Variants in RANBP9 observed in about 807,000 individuals in gnomAD.
The protein encoded by RANBP9 is RAN binding protein 9.
Under a neutral mutation model 84.3 loss-of-function variants are expected in RANBP9, and 15 were observed. The observed-to-expected ratio is 0.18, with a 90% CI of 0.12 to 0.27. The LOEUF (loss-of-function observed/expected upper bound fraction) is 0.27. RANBP9 is among the 10% of genes least tolerant of loss of function. RANBP9 has a pLI of 1.00. For missense variants in RANBP9, 809 were observed against 912.8 expected, an observed-to-expected ratio of 0.89 and a Z score of 1.46; for synonymous variants, 392 against 349.6, an observed-to-expected ratio of 1.12 and a Z score of -1.35.
chr6:13,697,270 A>G (rs1757857706), intron 1 of RANBP9, among the ~76,000 whole-genome samples: 2 of 152,250 alleles, frequency 1.3e-5, no homozygotes, highest in Admixed American at 6.5e-5. Flanking sequence ...AAATTTGCAT[A>G]TAACTTATAT....
chr6:13,650,171 T>G (rs1765264942), intron 5 of RANBP9, among the ~76,000 whole-genome samples: 2 of 151,348 alleles, frequency 1.3e-5, no homozygotes, highest in African/African-American at 2.4e-5. Flanking sequence ...TTTTTGTTTT[T>G]TTTTTTTTTA....
intron 2 of RANBP9, among the ~76,000 whole-genome samples, chr6:13,684,791 G>A (rs1766130741): frequency 6.6e-6 from 1 of 152,204 alleles, no homozygotes; most frequent in Non-Finnish European, 1.5e-5. Context: ...TGAAGGGGAA[G>A]TACAAGATGC....
intron 2 of RANBP9, among the ~76,000 whole-genome samples, chr6:13,686,464 G>A (rs1029515033): frequency 1.3e-5 from 2 of 151,502 alleles, no homozygotes; most frequent in Non-Finnish European, 2.9e-5. Context: ...TTTGTATTTT[G>A]GGTAGAGACA....
rs148544956 is a variant in RANBP9 at position 13,673,918 on chromosome 6, A to G, written c.684-15086T>C. On this transcript the variant is annotated intron_variant, in intron 2 of 13. Coordinates refer to ENST00000011619, the MANE Select transcript of RANBP9 (RefSeq NM_005493.3). ...GCCTACATGGCAAAATCCCATCTCTATAAAGAATACAAAAAATTAGCCAGG... is the reference window on the plus strand; with the variant it reads ...GCCTACATGGCAAAATCCCATCTCTGTAAAGAATACAAAAAATTAGCCAGG... Among the ~76,000 whole-genome samples the G allele has an allele frequency of 2.2e-4, 33 of 152,062 alleles. 1 individual carries two copies. In the East Asian group the frequency reaches 4.8e-3, roughly 22 times the overall value.
chr6:13,652,875 C>G (rs914400585), intron 4 of RANBP9, among the ~76,000 whole-genome samples, 194 bp from the exon 5 acceptor site: 11 of 152,236 alleles, frequency 7.2e-5, no homozygotes, highest in Non-Finnish European at 1.2e-4. Flanking sequence ...TGTCCCCTTT[C>G]AAGATAATCA....
Position 13,693,334 on chromosome 6 carries a change from T to G in RANBP9, c.683+3451A>C, listed in dbSNP as rs138540696. On this transcript the variant is annotated intron_variant, in intron 2 of 13. Coordinates refer to ENST00000011619, the MANE Select transcript of RANBP9 (RefSeq NM_005493.3). ...AACATAATTAGTCATTAGGGAAATA[T>G]AAATTAAAACCACAGCAAGAAATCA... 3.3e-3 allele frequency among the ~76,000 whole-genome samples: 506 copies of G among 152,240 alleles called. 2 individuals carry two copies. Among genetic ancestry groups the G allele is most frequent in the African/African-American group, 0.012 (492 of 41,524 alleles).
chr6:13,650,035 T>C (rs1004954408), intron 5 of RANBP9, among the ~76,000 whole-genome samples: 3 of 152,236 alleles, frequency 2.0e-5, no homozygotes, highest in African/African-American at 7.2e-5. Flanking sequence ...TTTAACTCTT[T>C]AATCCATCTA....
At chr6:13,676,903 T>C (rs1765897757) in intron 2 of RANBP9, among the ~76,000 whole-genome samples, 1 of 152,144 alleles carries the variant, frequency 6.6e-6, no homozygotes. Context: ...CTACAATTAG[T>C]ATCATACTTA....
At chr6:13,637,665 C>T (rs1299499840) in intron 10 of RANBP9, 143 bp downstream of exon 10, 5 of 766,418 alleles carry the variant, frequency 6.5e-6, no homozygotes, top group Non-Finnish European at 9.7e-6. Context: ...AACTGACTCC[C>T]TACGCTTTTA....
chr6:13,668,598 A>C (rs930596256), intron 2 of RANBP9, among the ~76,000 whole-genome samples: 1 of 152,152 alleles, frequency 6.6e-6, no homozygotes, highest in African/African-American at 2.4e-5. Context: ...TATATTAAGA[A>C]AATAAAGAAC....
At chr6:13,633,293 CA>C (rs2127762106) in intron 11 of RANBP9, among the ~76,000 whole-genome samples, 1 of 152,306 alleles carries the variant, frequency 6.6e-6, no homozygotes, top group Non-Finnish European at 1.5e-5. Context: ...CTCGGCCTCC[CA>C]AAGTGCTGGG....
intron 2 of RANBP9, among the ~76,000 whole-genome samples, chr6:13,695,507 A>T (rs1475998610): frequency 6.9e-6 from 1 of 143,908 alleles, no homozygotes; most frequent in Non-Finnish European, 1.5e-5. Context: ...CATTGTCTGG[A>T]GCTCGAGGGA....
intron 5 of RANBP9, 110 bp from the exon 6 acceptor site, chr6:13,644,839 A>T (rs1193318464): frequency 2.2e-6 from 2 of 918,260 alleles, no homozygotes; most frequent in African/African-American, 3.4e-5. Context: ...TCATATTTTA[A>T]AATCCCAATC....
chr6:13,701,323 A>T (rs1324017378), intron 1 of RANBP9, among the ~76,000 whole-genome samples: 1 of 152,206 alleles, frequency 6.6e-6, no homozygotes, highest in Non-Finnish European at 1.5e-5. Flanking sequence ...AATGATGTCA[A>T]CTGAGCACTC....
Position 13,657,091 on chromosome 6 carries a change from AAT to A in RANBP9, c.904+16_904+17del. ...CTCCATATTTGGTTATTTTGCATGC[AAT>A]ATATTATCTCAGTACCTAAACTATG... On this transcript the variant is annotated intron_variant, in intron 4 of 13. Coordinates refer to ENST00000011619, the MANE Select transcript of RANBP9 (RefSeq NM_005493.3). The A allele has an allele frequency of 6.4e-7, 1 of 1,572,314 alleles. No individual in the cohort carries two copies. Among genetic ancestry groups the A allele is most frequent in the African/African-American group, 1.4e-5 (1 of 73,788 alleles).
chr6:13,623,192 GA>G (rs916957974), intron 13 of RANBP9, among the ~76,000 whole-genome samples: 1 of 152,108 alleles, frequency 6.6e-6, no homozygotes, highest in Non-Finnish European at 1.5e-5. Context: ...GCCAGAGATG[GA>G]AAAAAATGAA....
chr6:13,640,127 C>T (rs939705472), intron 8 of RANBP9, among the ~76,000 whole-genome samples: 1 of 152,088 alleles, frequency 6.6e-6, no homozygotes, highest in Non-Finnish European at 1.5e-5. Flanking sequence ...ATATGAGATA[C>T]ATATAAAGCG....
chr6:13,705,329 A>C (rs982524656), intron 1 of RANBP9, among the ~76,000 whole-genome samples: 3 of 136,128 alleles, frequency 2.2e-5, no homozygotes, highest in African/African-American at 8.1e-5. Flanking sequence ...ACTTGAATCC[A>C]GGAGATGGAG....
intron 10 of RANBP9, among the ~76,000 whole-genome samples, chr6:13,635,009 G>A (rs776305571): frequency 2.6e-5 from 4 of 152,136 alleles, no homozygotes; most frequent in East Asian, 3.9e-4. Context: ...GCTTCACCTC[G>A]TTCCGGACCT....
Sources: allele counts gnomAD v4.1 joint callset (sites outside exome capture counted in the v4.1 genomes callset), GRCh38; gene constraint gnomAD v4.1.1; transcripts MANE v1.5; gene names NCBI Gene and HGNC (gene_info 2026-07-23, HGNC 2026-07-21).